The following COL5A2 variants were observed in gnomAD, a reference collection of about 807,000 sequenced individuals.
COL5A2 encodes the protein collagen alpha-2(V) chain.
COL5A2 carries 23 observed loss-of-function variants against 208.2 expected under a neutral mutation model. The observed-to-expected ratio is 0.11, with a 90% CI of 0.08 to 0.16. The LOEUF (loss-of-function observed/expected upper bound fraction) is 0.16, where lower values mean the gene tolerates loss of function less well. Ranked by LOEUF, COL5A2 falls within the 10% of genes least tolerant of loss-of-function variation. COL5A2 has a pLI of 1.00. For missense variants in COL5A2, 1,590 were observed against 1,956.4 expected (o/e 0.81, Z 3.53); for synonymous variants, 625 against 628.5 (o/e 0.99, Z 0.08).
the COL5A2 span, among the ~76,000 whole-genome samples, chr2:189,305,921 C>G: frequency 6.6e-6 from 1 of 151,962 alleles, no homozygotes; most frequent in Non-Finnish European, 1.5e-5. Context: ...TTTGATCCAC[C>G]AGCATGGGAT....
At chr2:189,401,793 G>C in the COL5A2 span, among the ~76,000 whole-genome samples, 1 of 152,040 alleles carries the variant, frequency 6.6e-6, no homozygotes, top group African/African-American at 2.4e-5. Context: ...TCTCACTGTG[G>C]TTTTGATTTG....
At position 189,079,869 on chromosome 2, in the gene COL5A2, T is replaced by C. The variant is rs188270378; in HGVS notation, c.960+109A>G. 1.2e-4 allele frequency: 108 copies of C among 923,240 alleles called. 1 individual carries two copies. The East Asian group carries it at 2.6e-3, about 22-fold the overall frequency. The allele number at this position is 923,240 out of a possible 1,614,324, so 57.2% of individuals were successfully genotyped here. The stretch of plus-strand genomic sequence containing the variant: ...TATGTTTATTTACCTAACCATTTGT[T>C]TGTAGCCCTCTCTCCTGCTGAATTA... On this transcript the variant is annotated intron_variant, in intron 14 of 53. Transcript: ENST00000374866.
intron 1 of COL5A2, among the ~76,000 whole-genome samples, chr2:189,150,153 C>G (rs2037171): frequency 0.99 from 150,712 of 152,278 alleles, 74,601 homozygotes; most frequent in Middle Eastern, 1. Context: ...TGTGCCTTCA[C>G]GAATCAAACT....
At chr2:189,150,583 C>A (rs189438109) in intron 1 of COL5A2, among the ~76,000 whole-genome samples, 1 of 152,060 alleles carries the variant, frequency 6.6e-6, no homozygotes, top group Non-Finnish European at 1.5e-5. Flanking sequence ...ATAATAAAAT[C>A]GACCTAAATC....
chr2:189,122,145 T>C (rs150286163), intron 1 of COL5A2, among the ~76,000 whole-genome samples: 9 of 152,312 alleles, frequency 5.9e-5, no homozygotes, highest in African/African-American at 2.2e-4. Context: ...ATTCAAAATG[T>C]AAAGTATCTT....
At chr2:189,251,667 A>AT in the COL5A2 span, among the ~76,000 whole-genome samples, 18 of 151,884 alleles carry the variant, frequency 1.2e-4, no homozygotes, top group Non-Finnish European at 1.5e-5. Flanking sequence ...TAAAAAAAAA[A>AT]AAACATTTTA....
upstream of COL5A2, among the ~76,000 whole-genome samples, chr2:189,228,839 C>T (rs1689448290): frequency 6.6e-6 from 1 of 151,806 alleles, no homozygotes; most frequent in South Asian, 2.1e-4. Flanking sequence ...GATACCAAAC[C>T]TAGAGAAAGA....
chr2:189,043,688 G>T (rs1007305290), intron 47 of COL5A2, among the ~76,000 whole-genome samples: 2 of 152,128 alleles, frequency 1.3e-5, no homozygotes, highest in African/African-American at 2.4e-5. Flanking sequence ...ACAATGAAAT[G>T]ATTTTAAATT....
the COL5A2 span, among the ~76,000 whole-genome samples, chr2:189,391,598 C>T: frequency 5.9e-5 from 9 of 152,010 alleles, no homozygotes; most frequent in African/African-American, 1.7e-4. Flanking sequence ...TCCTTCTATC[C>T]CATCTAATGT....
In COL5A2 at chr2:189,051,302, C is replaced by A; in HGVS notation, c.2931+18G>T. The A allele has an allele frequency of 6.2e-7, 1 of 1,613,944 alleles. No individual in the cohort carries two copies. Among genetic ancestry groups the A allele is most frequent in the Non-Finnish European group, 8.5e-7 (1 of 1,179,920 alleles). ...TATCTCAGTTGAAGGTGGTCTGGAACGGATACGCCAAACTTACAGGTTGCC... is the reference window on the plus strand; with the variant it reads ...TATCTCAGTTGAAGGTGGTCTGGAAAGGATACGCCAAACTTACAGGTTGCC... On this transcript the variant is annotated intron_variant, in intron 42 of 53. Transcript: ENST00000374866.
intron 1 of COL5A2, among the ~76,000 whole-genome samples, chr2:189,192,704 T>C (rs1198419625): frequency 6.6e-6 from 1 of 152,228 alleles, no homozygotes; most frequent in Non-Finnish European, 1.5e-5. Flanking sequence ...AAAAGTGTAT[T>C]TTCAATGGGT....
At chr2:189,273,394 C>T in the COL5A2 span, among the ~76,000 whole-genome samples, 1 of 151,834 alleles carries the variant, frequency 6.6e-6, no homozygotes, top group Non-Finnish European at 1.5e-5. Context: ...CCCTGGTACA[C>T]TGTTGGTAAA....
At chr2:189,160,183 G>A (rs1370200029) in intron 1 of COL5A2, among the ~76,000 whole-genome samples, 1 of 152,072 alleles carries the variant, frequency 6.6e-6, no homozygotes, top group Non-Finnish European at 1.5e-5. Flanking sequence ...TTCATTCCTT[G>A]TAGATTCAGT....
chr2:189,164,788 A>C (rs534561424), intron 1 of COL5A2, among the ~76,000 whole-genome samples: 1 of 152,298 alleles, frequency 6.6e-6, no homozygotes, highest in Non-Finnish European at 1.5e-5. Context: ...CTGTTTTGTA[A>C]ATGAGAAAAT....
At position 189,052,152 on chromosome 2, in the gene COL5A2, G is replaced by T. The variant is rs754936471; in HGVS notation, c.2769+20C>A. On this transcript the variant is annotated intron_variant, in intron 41 of 53. Coordinates refer to ENST00000374866, the MANE Select transcript of COL5A2 (RefSeq NM_000393.5). ...GTAATTATTTCATTATCAGTGACTT[G>T]TCTCACTAAGTTGACTTACAGCAGG... is the stretch of plus-strand genomic sequence containing the variant. 1 of 1,607,022 alleles carries T rather than the reference G, an allele frequency of 6.2e-7. No individual in the cohort carries two copies. The highest frequency in any genetic ancestry group is 1.1e-5 in the South Asian group (1 of 90,788).
the COL5A2 span, among the ~76,000 whole-genome samples, chr2:189,406,374 G>GTATT: frequency 1.3e-5 from 2 of 152,086 alleles, no homozygotes; most frequent in Admixed American, 1.3e-4. Context: ...CCATCACTGG[G>GTATT]ATAAGACACT....
intron 1 of COL5A2, among the ~76,000 whole-genome samples, chr2:189,194,520 C>T (rs73980180): frequency 0.03 from 4,515 of 152,226 alleles, 81 homozygotes; most frequent in Admixed American, 0.045. Flanking sequence ...TGTGATGCTA[C>T]TAATCCTATG....
the COL5A2 span, among the ~76,000 whole-genome samples, chr2:189,370,135 A>G: frequency 6.6e-6 from 1 of 151,946 alleles, no homozygotes; most frequent in East Asian, 1.9e-4. Flanking sequence ...TCTCATCTCT[A>G]CCTCTAATTG....
the COL5A2 span, among the ~76,000 whole-genome samples, chr2:189,428,628 T>A: frequency 2.4e-4 from 36 of 148,034 alleles, 1 homozygote; most frequent in East Asian, 2.0e-4. Flanking sequence ...AAAAAAAAAA[T>A]AAAAAAGTAT....
Sources: gnomAD v4.1 joint callset for allele counts (sites outside exome capture counted in the v4.1 genomes callset) on GRCh38, gnomAD v4.1.1 for gene constraint, MANE v1.5 for transcripts, NCBI Gene and HGNC (gene_info 2026-07-23, HGNC 2026-07-21) for gene names.